UHMK1: variants seen among roughly 807,000 people sequenced by gnomAD.
UHMK1 encodes the protein U2AF homology motif kinase 1.
In UHMK1, 18 loss-of-function variants were observed where a neutral mutation model predicts 44.0. That is an observed-to-expected ratio of 0.41 (90% CI 0.28 to 0.61). UHMK1 has a LOEUF of 0.61. UHMK1 is among the 20% of genes least tolerant of loss of function. UHMK1 has a pLI of 0.31. For missense variants in UHMK1, 463 were observed against 522.5 expected (o/e 0.89, Z 1.11); for synonymous variants, 231 against 198.5 (o/e 1.16, Z -1.38).
At chr1:162,520,529 G>A (rs1342986725) in intron 7 of UHMK1, among the ~76,000 whole-genome samples, 1 of 152,166 alleles carries the variant, frequency 6.6e-6, no homozygotes, top group Non-Finnish European at 1.5e-5. Context: ...TAGGTAGGGT[G>A]GGTTGCACTT....
rs1289375761 is a variant in UHMK1, at chr1:162,525,799, A to G, written c.*3249A>G. On this transcript the variant is annotated 3_prime_UTR_variant, in exon 8 of 8. Coordinates refer to ENST00000489294, the MANE Select transcript of UHMK1 (RefSeq NM_175866.5). ...CCAAACTGGCTGCTTTTAGAACAAA[A>G]ACCATAAGTATGGTTTTACTCGAAC... is the stretch of plus-strand genomic sequence containing the variant. 1 of 152,158 alleles carries G rather than the reference A, an allele frequency of 6.6e-6. No homozygotes were observed. Among genetic ancestry groups the G allele is most frequent in the Admixed American group, 6.5e-5 (1 of 15,268 alleles). The allele number at this position is 152,158 out of a possible 1,614,324, so 9.4% of individuals were successfully genotyped here.
intron 4 of UHMK1, among the ~76,000 whole-genome samples, chr1:162,507,529 T>A (rs894928658): frequency 6.6e-6 from 1 of 151,818 alleles, no homozygotes; most frequent in East Asian, 1.9e-4. Flanking sequence ...AGCCTCAGTT[T>A]CCCAAAATGC....
In UHMK1 at chr1:162,524,291, T is replaced by C. The variant is rs1358533423; in HGVS notation, c.*1741T>C. 1.3e-5 allele frequency: 2 copies of C among 152,202 alleles called. No individual in the cohort carries two copies. Among genetic ancestry groups the C allele is most frequent in the Admixed American group, 6.5e-5 (1 of 15,288 alleles). The allele number at this position is 152,202 out of a possible 1,614,324, so 9.4% of individuals were successfully genotyped here. A position where few individuals can be genotyped will look rare whatever the true frequency, so the allele number is the denominator to read the frequency against. On this transcript the variant is annotated 3_prime_UTR_variant, in exon 8 of 8. Coordinates refer to ENST00000489294, the MANE Select transcript of UHMK1 (RefSeq NM_175866.5). ...TTTATAATTGTCAAATTCAGGACTC[T>C]CCTTTAATGTTTATTATGAAACCAA...
At chr1:162,517,291 C>G (rs972646595) in intron 6 of UHMK1, among the ~76,000 whole-genome samples, 13 of 151,886 alleles carry the variant, frequency 8.6e-5, no homozygotes, top group Non-Finnish European at 1.2e-4. Context: ...GAGCAAGACT[C>G]CATCTCAAAA....
chr1:162,499,156 A>G (rs945910958), intron 1 of UHMK1, among the ~76,000 whole-genome samples: 6 of 152,108 alleles, frequency 3.9e-5, no homozygotes, highest in African/African-American at 1.4e-4. Flanking sequence ...TATTTAGATT[A>G]TAGAGAGCTG....
intron 6 of UHMK1, chr1:162,513,196 T>C: frequency 4.7e-6 from 1 of 211,620 alleles, no homozygotes; most frequent in African/African-American, 2.3e-5. Flanking sequence ...AACCTCAGCC[T>C]CTCAAAGTGC....
At chr1:162,520,262 A>G (rs1411875322) in intron 7 of UHMK1, among the ~76,000 whole-genome samples, 2 of 152,254 alleles carry the variant, frequency 1.3e-5, no homozygotes, top group Non-Finnish European at 2.9e-5. Flanking sequence ...AAACAAAAAT[A>G]TGAGCACAGT....
Position 162,528,453 on chromosome 1 carries a change from T to C in UHMK1, c.*5903T>C, listed in dbSNP as rs1399959369. 1.3e-5 allele frequency: 2 copies of C among 152,096 alleles called. No homozygotes were observed. Among genetic ancestry groups the C allele is most frequent in the African/African-American group, 4.8e-5 (2 of 41,444 alleles). The allele number at this position is 152,096 out of a possible 1,614,324, so 9.4% of individuals were successfully genotyped here. On this transcript the variant is annotated 3_prime_UTR_variant, in exon 8 of 8. Coordinates refer to ENST00000489294, the MANE Select transcript of UHMK1 (RefSeq NM_175866.5). ...AGAGTTTGTGAAACCAGATTAAATA[T>C]CTATATTCAGTTTGGCCTAATTTTT...
intron 6 of UHMK1, 113 bp from the exon 7 acceptor site, chr1:162,517,989 T>G: frequency 1.5e-6 from 1 of 649,938 alleles, no homozygotes; most frequent in South Asian, 2.1e-5. Flanking sequence ...AGACATAAAA[T>G]GACCTCATTA....
intron 4 of UHMK1, among the ~76,000 whole-genome samples, chr1:162,507,982 A>G (rs1027779281): frequency 3.9e-5 from 6 of 151,938 alleles, no homozygotes; most frequent in Non-Finnish European, 8.8e-5. Flanking sequence ...GTGTAATTTT[A>G]TTTTATGAAA....
intron 7 of UHMK1, among the ~76,000 whole-genome samples, chr1:162,520,093 A>G (rs898934241): frequency 9.2e-5 from 14 of 152,220 alleles, no homozygotes; most frequent in South Asian, 4.1e-4. Flanking sequence ...AGGTTTTGCT[A>G]TGTTGTCCAG....
upstream of UHMK1, chr1:162,497,429 T>G (rs532685825): frequency 3.3e-5 from 18 of 552,938 alleles, no homozygotes; most frequent in Admixed American, 4.2e-4. Context: ...GGTTTACATC[T>G]AAAAGAAGAA....
rs751556999 is a variant in UHMK1 at position 162,529,363 on chromosome 1, C to G, written c.*6813C>G. The G allele has an allele frequency of 6.6e-6, 1 of 152,088 alleles. No individual in the cohort carries two copies. The highest frequency in any genetic ancestry group is 2.1e-4 in the South Asian group (1 of 4,826). The allele number at this position is 152,088 out of a possible 1,614,324, so 9.4% of individuals were successfully genotyped here. A position where few individuals can be genotyped will look rare whatever the true frequency, so the allele number is the denominator to read the frequency against. On this transcript the variant is annotated 3_prime_UTR_variant, in exon 8 of 8. Transcript: ENST00000489294. ...AATCCCTAAATTTCTGATTTCCATT[C>G]AAGTCTTTTAAACTCTTTCCTGCTG...
Position 162,497,894 on chromosome 1 carries a change from C to A in UHMK1, c.-107C>A, listed in dbSNP as rs1011678585. The A allele has an allele frequency of 1.4e-6, 2 of 1,420,100 alleles. No individual in the cohort carries two copies. Among genetic ancestry groups the A allele is most frequent in the Admixed American group, 5.8e-5 (2 of 34,362 alleles). The allele number at this position is 1,420,100 out of a possible 1,614,324, so 88.0% of individuals were successfully genotyped here. A position where few individuals can be genotyped will look rare whatever the true frequency, so the allele number is the denominator to read the frequency against. ...GAGTCGGTGAGGCGGCTGCAGGTCC[C>A]TCCCTGCGGAGCCGCTGGTCCGGCT... On this transcript the variant is annotated 5_prime_UTR_variant, in exon 1 of 8. Coordinates refer to ENST00000489294, the MANE Select transcript of UHMK1 (RefSeq NM_175866.5).
chr1:162,509,372 G>C (rs1263021385), intron 4 of UHMK1, among the ~76,000 whole-genome samples: 2 of 152,154 alleles, frequency 1.3e-5, no homozygotes, highest in African/African-American at 2.4e-5. Flanking sequence ...TTAGTTTTAA[G>C]AGGTCTTAGT....
At position 162,499,842 on chromosome 1, in the gene UHMK1, G is replaced by C; in HGVS notation, c.269-113G>C. The stretch of plus-strand genomic sequence containing the variant: ...GAAAAATAAATTACAGTGGAAGCTT[G>C]CTCATCAAAGTTATCCTTATCTAGA... On this transcript the variant is annotated intron_variant, in intron 1 of 7. Coordinates refer to ENST00000489294, the MANE Select transcript of UHMK1 (RefSeq NM_175866.5). 5 of 937,840 alleles carry C rather than the reference G, an allele frequency of 5.3e-6. No homozygotes were observed. The South Asian group carries it at 7.1e-5, about 13-fold the overall frequency. 58.1% of individuals were successfully genotyped at this position (937,840 alleles called of 1,614,324 possible).
chr1:162,498,193 G>A lies in UHMK1; in HGVS notation c.193G>A (p.Ala65Thr). 1.2e-6 allele frequency: 2 copies of A among 1,612,950 alleles called. No individual in the cohort carries two copies. Among genetic ancestry groups the A allele is most frequent in the Non-Finnish European group, 1.7e-6 (2 of 1,179,266 alleles). The change falls in exon 1 of 8, where the codon GCG becomes ACG. Residue 65 changes from alanine to threonine, a missense_variant. Physicochemically the swap from Ala to Thr is moderately conservative, Grantham distance 58. This residue lies in a region of UHMK1 where 191 missense variants were observed against 176.0 expected (regional missense o/e 1.09). Coordinates refer to ENST00000489294, the MANE Select transcript of UHMK1 (RefSeq NM_175866.5). ...CTTGCCGCCAGGAACCACCGGGGCT[G>A]CGGCCTCTGCCGCCGAGTATGGTTT... ...QFLPPGTTGA[A>T]ASAAEYGFRK...
intron 7 of UHMK1, among the ~76,000 whole-genome samples, chr1:162,521,493 A>C (rs1652058744): frequency 1.3e-5 from 2 of 152,100 alleles, no homozygotes; most frequent in Admixed American, 1.3e-4. Flanking sequence ...TTGCTCTGTC[A>C]CCCAGGCTGG....
chr1:162,518,857 GCATGCCTCTAATCCCAGC>G (rs1651937770), intron 7 of UHMK1, among the ~76,000 whole-genome samples: 1 of 150,700 alleles, frequency 6.6e-6, no homozygotes, highest in Non-Finnish European at 1.5e-5. Flanking sequence ...GCATGGTGGC[GCATGCCTCTAATCCCAGC>G]TACTTGGAGG....
Sources: allele counts gnomAD v4.1 joint callset (sites outside exome capture counted in the v4.1 genomes callset), GRCh38; gene constraint gnomAD v4.1.1; regional missense constraint gnomAD v4.1.1; transcripts MANE v1.5; gene names NCBI Gene and HGNC (gene_info 2026-07-23, HGNC 2026-07-21).